PDE1C: variants seen among roughly 807,000 people sequenced by gnomAD.
PDE1C encodes the protein phosphodiesterase 1C.
Under a neutral mutation model 93.1 loss-of-function variants are expected in PDE1C, and 62 were observed. The observed-to-expected ratio is 0.67, with a 90% CI of 0.54 to 0.82. The LOEUF (loss-of-function observed/expected upper bound fraction) is 0.82, where lower values mean the gene tolerates loss of function less well. Ranked by LOEUF, PDE1C falls within the 40% of genes least tolerant of loss-of-function variation. The pLI, the probability that PDE1C is intolerant of heterozygous loss-of-function variation, is 0.00. For missense variants in PDE1C, 742 were observed against 884.6 expected (o/e 0.84, Z 2.04); for synonymous variants, 325 against 310.1 (o/e 1.05, Z -0.50).
At chr7:31,862,529 G>A (rs1420047681) in intron 7 of PDE1C, among the ~76,000 whole-genome samples, 1 of 104,774 alleles carries the variant, frequency 9.5e-6, no homozygotes, top group East Asian at 3.2e-4. Flanking sequence ...TCAAGGCGCT[G>A]GTAGATTTGG....
chr7:31,794,041 T>TAGATAGACAGACAGACAGAC (rs1554335955), intron 16 of PDE1C, among the ~76,000 whole-genome samples: 1 of 89,592 alleles, frequency 1.1e-5, no homozygotes, highest in East Asian at 3.6e-4. Context: ...GATAGATAGA[T>TAGATAGACAGACAGACAGAC]AGACAGACAG....
intron 2 of PDE1C, among the ~76,000 whole-genome samples, chr7:31,974,573 C>T (rs889049285): frequency 2.3e-4 from 35 of 150,856 alleles, no homozygotes; most frequent in Non-Finnish European, 1.5e-5. Flanking sequence ...GAGGGAGCCA[C>T]TGGGACATAC....
intron 3 of PDE1C, among the ~76,000 whole-genome samples, chr7:32,166,735 T>C (rs1802304415): frequency 6.6e-6 from 1 of 152,146 alleles, no homozygotes; most frequent in Non-Finnish European, 1.5e-5. Context: ...CCAGTGACAA[T>C]CCAGAGTGTT....
At chr7:32,277,919 G>C (rs1811384083) in intron 1 of PDE1C, among the ~76,000 whole-genome samples, 1 of 152,184 alleles carries the variant, frequency 6.6e-6, no homozygotes, top group Non-Finnish European at 1.5e-5. Context: ...TCCATGTTCA[G>C]AGTACCAGAG....
At chr7:31,840,706 A>G (rs1791749289) in intron 9 of PDE1C, among the ~76,000 whole-genome samples, 1 of 152,134 alleles carries the variant, frequency 6.6e-6, no homozygotes, top group South Asian at 2.1e-4. Flanking sequence ...TCCCCATTGA[A>G]TTAATTTGGC....
intron 2 of PDE1C, among the ~76,000 whole-genome samples, chr7:31,898,782 C>T (rs1583855975): frequency 1.3e-5 from 2 of 152,144 alleles, no homozygotes; most frequent in East Asian, 3.8e-4. Flanking sequence ...CCAGTAATCA[C>T]AGAAACCTGG....
At chr7:31,872,605 C>A (rs1344866005) in intron 6 of PDE1C, among the ~76,000 whole-genome samples, 2 of 151,988 alleles carry the variant, frequency 1.3e-5, no homozygotes, top group African/African-American at 4.8e-5. Flanking sequence ...ATATGTGGTA[C>A]AGAAAAAGAC....
At chr7:31,983,615 T>C (rs1002150160) in intron 2 of PDE1C, among the ~76,000 whole-genome samples, 1 of 151,032 alleles carries the variant, frequency 6.6e-6, no homozygotes, top group Non-Finnish European at 1.5e-5. Flanking sequence ...ACCCTGCCTC[T>C]AAAAAAAATA....
intron 17 of PDE1C, among the ~76,000 whole-genome samples, chr7:31,771,662 A>G (rs1562765924): frequency 6.6e-6 from 1 of 152,078 alleles, no homozygotes; most frequent in Non-Finnish European, 1.5e-5. Context: ...TAATTTGAAA[A>G]TATTTTCTCA....
downstream of PDE1C, among the ~76,000 whole-genome samples, chr7:31,746,782 T>TC (rs1163748483): frequency 1.3e-5 from 2 of 152,136 alleles, no homozygotes; most frequent in Non-Finnish European, 2.9e-5. Flanking sequence ...AATTTTTTTT[T>TC]CCCACATGGA....
chr7:32,080,924 G>A (rs946647808), intron 3 of PDE1C, among the ~76,000 whole-genome samples: 5 of 152,194 alleles, frequency 3.3e-5, no homozygotes, highest in Admixed American at 6.5e-5. Flanking sequence ...ATCAGAAGTT[G>A]ACATGTGCAT....
chr7:31,706,943 T>G, the PDE1C span, among the ~76,000 whole-genome samples: 1 of 152,190 alleles, frequency 6.6e-6, no homozygotes, highest in Non-Finnish European at 1.5e-5. Context: ...GGAGCAGAAC[T>G]TAAAGAAGAG....
chr7:31,800,891 C>A (rs1158803965), intron 16 of PDE1C, among the ~76,000 whole-genome samples: 2 of 151,150 alleles, frequency 1.3e-5, no homozygotes, highest in Admixed American at 6.6e-5. Flanking sequence ...CATTACACTT[C>A]TAAATAACTC....
the PDE1C span, among the ~76,000 whole-genome samples, chr7:31,644,868 A>T: frequency 2.0e-5 from 3 of 152,220 alleles, no homozygotes; most frequent in Admixed American, 6.5e-5. Flanking sequence ...GGTGAAGTGG[A>T]ACCACGATTT....
intron 14 of PDE1C, among the ~76,000 whole-genome samples, chr7:31,822,792 T>C (rs1034500876): frequency 6.6e-6 from 1 of 152,002 alleles, no homozygotes; most frequent in Non-Finnish European, 1.5e-5. Flanking sequence ...TTAGCAGAAA[T>C]CAAGAAATAA....
upstream of PDE1C, among the ~76,000 whole-genome samples, chr7:32,074,708 A>T (rs1347309826): frequency 6.6e-6 from 1 of 152,204 alleles, no homozygotes; most frequent in African/African-American, 2.4e-5. Flanking sequence ...TGACATTTGA[A>T]CTGGATCTTG....
At chr7:32,372,448 G>T (rs1281302589) in intron 1 of PDE1C, among the ~76,000 whole-genome samples, 1 of 152,096 alleles carries the variant, frequency 6.6e-6, no homozygotes, top group African/African-American at 2.4e-5. Flanking sequence ...ACATCCAAAT[G>T]GAAGTTCGAC....
chr7:31,990,237 T>C lies in PDE1C; in HGVS notation c.128+61317A>G, dbSNP rs190993622. On this transcript the variant is annotated intron_variant, in intron 2 of 17. Transcript: ENST00000396191. ...GACCTGGTGGGAGGTAATTGAATCA[T>C]GGGGACGGGTCTTTCCCATGCTGTT... Among the ~76,000 whole-genome samples the C allele has an allele frequency of 7.2e-5, 11 of 152,326 alleles. No homozygotes were observed. In the East Asian group the frequency reaches 9.6e-4, roughly 13 times the overall value.
At chr7:31,925,192 G>A (rs534603429) in intron 2 of PDE1C, among the ~76,000 whole-genome samples, 2 of 152,000 alleles carry the variant, frequency 1.3e-5, no homozygotes, top group Non-Finnish European at 2.9e-5. Context: ...CCACTGTTAA[G>A]TGGACTCCAA....
Sources: allele counts gnomAD v4.1 joint callset (sites outside exome capture counted in the v4.1 genomes callset), GRCh38; gene constraint gnomAD v4.1.1; transcripts MANE v1.5; gene names NCBI Gene and HGNC (gene_info 2026-07-23, HGNC 2026-07-21).